Variants in FILIP1 observed in about 807,000 individuals in gnomAD.
FILIP1 encodes filamin A interacting protein 1.
A neutral mutation model predicts 102.1 loss-of-function variants in FILIP1; 61 were observed. That is an observed-to-expected ratio of 0.60 (90% CI 0.49 to 0.74). The LOEUF (loss-of-function observed/expected upper bound fraction) is 0.74. Among genes scored for constraint, FILIP1 ranks in the 30% least tolerant of loss-of-function variants. The pLI, the probability that FILIP1 is intolerant of heterozygous loss-of-function variation, is 0.00. For synonymous variants in FILIP1, 491 were observed against 526.9 expected, an observed-to-expected ratio of 0.93 and a Z score of 0.93; for missense variants, 1,314 against 1,441.2, an observed-to-expected ratio of 0.91 and a Z score of 1.43.
intron 4 of FILIP1, among the ~76,000 whole-genome samples, chr6:75,335,805 GCAT>G (rs1014945159): frequency 3.9e-5 from 6 of 151,964 alleles, no homozygotes; most frequent in African/African-American, 1.5e-4. Flanking sequence ...TTATGTTATG[GCAT>G]AGAAAAGAAT....
intron 1 of FILIP1, among the ~76,000 whole-genome samples, chr6:75,453,084 A>C (rs1188774866): frequency 6.6e-6 from 1 of 152,212 alleles, no homozygotes; most frequent in Non-Finnish European, 1.5e-5. Flanking sequence ...GGCTCAAGCC[A>C]AGGTTAGTAC....
intron 1 of FILIP1, among the ~76,000 whole-genome samples, chr6:75,464,049 T>C (rs1433755764): frequency 6.6e-6 from 1 of 152,170 alleles, no homozygotes; most frequent in Admixed American, 6.5e-5. Context: ...TTCACAGAGG[T>C]CATTCTGGCA....
At chr6:75,390,336 T>C (rs2149655902) in intron 2 of FILIP1, among the ~76,000 whole-genome samples, 1 of 152,322 alleles carries the variant, frequency 6.6e-6, no homozygotes, top group African/African-American at 2.4e-5. Context: ...ATATCCTTTC[T>C]GTTAATAGCT....
chr6:75,347,291 A>T (rs1442268484), intron 4 of FILIP1, among the ~76,000 whole-genome samples: 1 of 152,238 alleles, frequency 6.6e-6, no homozygotes, highest in Non-Finnish European at 1.5e-5. Flanking sequence ...TAATAATTAC[A>T]TATCTTATAG....
chr6:75,420,929 A>G (rs564331656), intron 1 of FILIP1, among the ~76,000 whole-genome samples: 1 of 152,330 alleles, frequency 6.6e-6, no homozygotes, highest in Non-Finnish European at 1.5e-5. Context: ...ATAACATTTT[A>G]CATATTAGAA....
chr6:75,474,933 G>C (rs1333577262), intron 1 of FILIP1, among the ~76,000 whole-genome samples: 1 of 151,786 alleles, frequency 6.6e-6, no homozygotes, highest in East Asian at 1.9e-4. Flanking sequence ...CTTCTCTCCT[G>C]CTCCTGCTCT....
intron 2 of FILIP1, among the ~76,000 whole-genome samples, chr6:75,389,109 T>C (rs191328094): frequency 6.6e-6 from 1 of 152,348 alleles, no homozygotes; most frequent in East Asian, 1.9e-4. Flanking sequence ...GAAGGCCTTT[T>C]CTGCATCTAT....
chr6:75,464,051 A>C (rs568024280), intron 1 of FILIP1, among the ~76,000 whole-genome samples: 1 of 152,222 alleles, frequency 6.6e-6, no homozygotes, highest in Non-Finnish European at 1.5e-5. Context: ...CACAGAGGTC[A>C]TTCTGGCACA....
intron 2 of FILIP1, among the ~76,000 whole-genome samples, chr6:75,382,235 C>A (rs1165325659): frequency 6.6e-6 from 1 of 152,154 alleles, no homozygotes; most frequent in African/African-American, 2.4e-5. Context: ...GGCAGTGAAC[C>A]CAATCCTGTA....
chr6:75,326,181 A>G (rs752740827), intron 4 of FILIP1, among the ~76,000 whole-genome samples: 3 of 152,162 alleles, frequency 2.0e-5, no homozygotes, highest in Non-Finnish European at 4.4e-5. Context: ...AAAAGGAACA[A>G]AATAATGGCA....
chr6:75,491,268 G>A (rs1000604923), intron 1 of FILIP1, among the ~76,000 whole-genome samples: 7 of 152,118 alleles, frequency 4.6e-5, no homozygotes, highest in Non-Finnish European at 1.0e-4. Flanking sequence ...AATGTTCACT[G>A]AGTATGTGTT....
intron 4 of FILIP1, among the ~76,000 whole-genome samples, chr6:75,331,662 T>C (rs1774088016): frequency 6.6e-6 from 1 of 152,108 alleles, no homozygotes; most frequent in African/African-American, 2.4e-5. Flanking sequence ...CCATGTGGCA[T>C]ATTTGTCAGA....
chr6:75,299,549 T>C (rs890698847), intron 6 of FILIP1, among the ~76,000 whole-genome samples: 1 of 152,214 alleles, frequency 6.6e-6, no homozygotes, highest in Non-Finnish European at 1.5e-5. Context: ...AATGAACATA[T>C]ACATATGAGA....
At position 75,316,323 on chromosome 6, in the gene FILIP1, A is replaced by G. The variant is rs1048931136; in HGVS notation, c.630-1121T>C. 2.6e-5 allele frequency among the ~76,000 whole-genome samples: 4 copies of G among 152,308 alleles called. No individual in the cohort carries two copies. The East Asian group carries it at 7.7e-4, about 29-fold the overall frequency. On this transcript the variant is annotated intron_variant, in intron 4 of 5. Transcript: ENST00000237172. ...TAGGTTTATAAGGGAAGCAAGTTAT[A>G]AACAACCAATGACATGCACTTATTT...
In FILIP1 at chr6:75,322,301, G is replaced by A. The variant is rs192886489; in HGVS notation, c.630-7099C>T. On this transcript the variant is annotated intron_variant, in intron 4 of 5. Transcript: ENST00000237172. ...CTCTACATTACTGGGCACCATTTCCGTGTAATTATGCTATTTAAGAAGCAG... is the reference window on the plus strand; with the variant it reads ...CTCTACATTACTGGGCACCATTTCCATGTAATTATGCTATTTAAGAAGCAG... Among the ~76,000 whole-genome samples, 182 of 151,636 alleles carry A rather than the reference G, an allele frequency of 1.2e-3. 1 individual carries two copies. Among genetic ancestry groups the A allele is most frequent in the East Asian group, 4.4e-3 (23 of 5,172 alleles).
chr6:75,421,356 A>C (rs368113085), intron 1 of FILIP1, among the ~76,000 whole-genome samples: 1 of 152,126 alleles, frequency 6.6e-6, no homozygotes, highest in East Asian at 1.9e-4. Flanking sequence ...GAATTTTCCC[A>C]ATTACTCTAA....
chr6:75,364,814 C>T (rs576621592), intron 2 of FILIP1, among the ~76,000 whole-genome samples: 3 of 152,318 alleles, frequency 2.0e-5, no homozygotes, highest in African/African-American at 7.2e-5. Context: ...AGTAAACTTT[C>T]TTACTTTGGT....
At chr6:75,417,837 T>C (rs948144369) in intron 1 of FILIP1, among the ~76,000 whole-genome samples, 4 of 152,192 alleles carry the variant, frequency 2.6e-5, no homozygotes, top group Non-Finnish European at 5.9e-5. Flanking sequence ...TCCTTACGGC[T>C]TTCCTCGAAG....
chr6:75,407,680 G>A (rs1776921365), intron 2 of FILIP1, among the ~76,000 whole-genome samples: 1 of 152,136 alleles, frequency 6.6e-6, no homozygotes, highest in South Asian at 2.1e-4. Context: ...GAATAGTGGT[G>A]CACTATCCAG....
Sources: gnomAD v4.1 joint callset for allele counts (sites outside exome capture counted in the v4.1 genomes callset) on GRCh38, gnomAD v4.1.1 for gene constraint, MANE v1.5 for transcripts, NCBI Gene and HGNC (gene_info 2026-07-23, HGNC 2026-07-21) for gene names.